Variants in HTT observed in about 807,000 individuals in gnomAD.
HTT encodes huntington disease protein.
A neutral mutation model predicts 362.3 loss-of-function variants in HTT; 104 were observed. The ratio of observed to expected loss-of-function variants is 0.29; its 90% CI spans 0.24 to 0.34. The LOEUF (loss-of-function observed/expected upper bound fraction) is 0.34. HTT is among the 10% of genes least tolerant of loss of function. The pLI is 1.00. For synonymous variants in HTT, 1,577 were observed against 1,548.7 expected (o/e 1.02, Z -0.43); for missense variants, 3,301 against 3,928.6 (o/e 0.84, Z 4.27).
intron 61 of HTT, among the ~76,000 whole-genome samples, chr4:3,234,947 G>A (rs1341245518): frequency 2.0e-5 from 3 of 152,220 alleles, no homozygotes; most frequent in Non-Finnish European, 4.4e-5. Context: ...GAAGTAGAGG[G>A]GACTGGCCTG....
chr4:3,128,792 T>C (rs966115516), intron 12 of HTT: 3 of 152,250 alleles, frequency 2.0e-5, no homozygotes, highest in African/African-American at 7.2e-5. Context: ...ATAAAATTTA[T>C]GTTCTTAACC....
chr4:3,150,363 A>G (rs1479909973), intron 26 of HTT, among the ~76,000 whole-genome samples: 2 of 152,208 alleles, frequency 1.3e-5, no homozygotes, highest in African/African-American at 4.8e-5. Context: ...AGTATTGGGC[A>G]GGGCAGCCTG....
chr4:3,178,178 C>A, intron 34 of HTT, 120 bp from the exon 35 acceptor site: 1 of 751,900 alleles, frequency 1.3e-6, no homozygotes, highest in Non-Finnish European at 2.2e-6. Context: ...AGATCACGGA[C>A]ACCTGTTAGC....
At chr4:3,089,892 G>C (rs2110145049) in intron 2 of HTT, among the ~76,000 whole-genome samples, 1 of 152,294 alleles carries the variant, frequency 6.6e-6, no homozygotes, top group South Asian at 2.1e-4. Flanking sequence ...TGTTTTTATG[G>C]AGTAATGCTG....
At chr4:3,127,630 C>CT (rs751824861) in intron 12 of HTT, 26 bp downstream of exon 12, 669 of 1,499,258 alleles carry the variant, frequency 4.5e-4, no homozygotes, top group Non-Finnish European at 5.4e-4. Flanking sequence ...GGCCTGACAT[C>CT]TTTTTTTTTA....
chr4:3,085,276 T>C (rs1354216356), intron 1 of HTT, among the ~76,000 whole-genome samples: 1 of 152,034 alleles, frequency 6.6e-6, no homozygotes, highest in Non-Finnish European at 1.5e-5. Context: ...TAGCTGGGAT[T>C]ATAGGCGCCC....
In HTT at chr4:3,225,815, G is replaced by A. The variant is rs1720884757; in HGVS notation, c.7848+72G>A. The A allele has an allele frequency of 2.8e-5, 30 of 1,079,740 alleles. No individual in the cohort carries two copies. The South Asian group carries it at 4.1e-4, about 15-fold the overall frequency. 66.9% of individuals were successfully genotyped at this position (1,079,740 alleles called of 1,614,324 possible). On this transcript the variant is annotated intron_variant, in intron 57 of 66. Transcript: ENST00000355072. ...CAGACTTTGGCGCTTGACACACCCA[G>A]GAGAAAAGCTCAGTGCACTTTTTAA...
intron 12 of HTT, 196 bp from the exon 13 acceptor site, chr4:3,129,728 G>T: frequency 2.0e-6 from 1 of 507,724 alleles, no homozygotes; most frequent in Non-Finnish European, 3.4e-6. Context: ...TTTTCATAAT[G>T]TAGTGGGAAT....
At chr4:3,164,743 C>T (rs1246659288) in intron 29 of HTT, among the ~76,000 whole-genome samples, 3 of 152,098 alleles carry the variant, frequency 2.0e-5, no homozygotes, top group Non-Finnish European at 4.4e-5. Flanking sequence ...GGATTGCAAT[C>T]CCTGCTTTTT....
chr4:3,075,234 G>A (rs1712456157), intron 1 of HTT, 146 bp downstream of exon 1: 1 of 791,454 alleles, frequency 1.3e-6, no homozygotes, highest in South Asian at 6.3e-5. Context: ...GCCCATGAGG[G>A]ACACCCGCCC....
chr4:3,090,602 G>T (rs967619473), intron 2 of HTT, among the ~76,000 whole-genome samples: 3 of 151,986 alleles, frequency 2.0e-5, no homozygotes, highest in Admixed American at 6.6e-5. Context: ...GAACTCTAAG[G>T]AATCGATAAA....
rs1323747053 is a variant in HTT, at chr4:3,151,420, G to A, written c.3499-2873G>A. Among the ~76,000 whole-genome samples the A allele has an allele frequency of 2.6e-5, 4 of 151,902 alleles. No homozygotes were observed. In the East Asian group the frequency reaches 5.8e-4, roughly 22 times the overall value. On this transcript the variant is annotated intron_variant, in intron 26 of 66. Coordinates refer to ENST00000355072, the MANE Select transcript of HTT (RefSeq NM_001388492.1). ...TGAGAGGGAGAGAGGAGGGAGAAAG[G>A]AGAGTGCCTGTAGGGGGAGTTGCTA...
rs374106761 is a variant in HTT, at chr4:3,148,135, C to T, written c.3426C>T (p.Phe1142=). 1,045 of 1,613,534 alleles carry T rather than the reference C, an allele frequency of 6.5e-4. 4 individuals carry two copies. The highest frequency in any genetic ancestry group is 8.3e-4 in the Non-Finnish European group (975 of 1,179,788). ...RALVPMVEQL[F]SHLLKVINIC... Reference sequence around the variant, plus strand: ...TGGTGCCCATGGTGGAGCAGCTCTTCTCTCACCTGCTGAAGGTGATTAACA... The same window carrying T: ...TGGTGCCCATGGTGGAGCAGCTCTTTTCTCACCTGCTGAAGGTGATTAACA... The change falls in exon 26 of 67, where the codon TTC becomes TTT. Residue 1142 remains phenylalanine (F), a synonymous_variant. Transcript: ENST00000355072.
intron 37 of HTT, 109 bp from the exon 38 acceptor site, chr4:3,186,488 G>C: frequency 1.6e-6 from 2 of 1,225,942 alleles, no homozygotes; most frequent in Non-Finnish European, 2.3e-6. Context: ...GAGGGAAGGT[G>C]ACGATGAGAT....
Position 3,208,834 on chromosome 4 carries a change from A to G in HTT, c.6214A>G (p.Ser2072Gly). The change falls in exon 46 of 67, where the codon AGT (serine) becomes GGT (glycine). Residue 2072 changes from serine (S) to glycine (G), a missense_variant. Ser to Gly is a moderately conservative substitution (Grantham distance 56). Around this residue, in one of 4 missense-constraint regions of HTT, gnomAD observed 2,316 missense variants for 2,658.5 expected, o/e 0.87. Transcript: ENST00000355072. ...TCTCTCCACCATGCAAGACTCACTT[A>G]GTCCCTCTCCTCCAGTCTCTTCCCA... ...FRLSTMQDSL[S>G]PSPPVSSHPL... 1 of 1,614,090 alleles carries G rather than the reference A, an allele frequency of 6.2e-7. No individual in the cohort carries two copies. Among genetic ancestry groups the G allele is most frequent in the Non-Finnish European group, 8.5e-7 (1 of 1,179,974 alleles).
At chr4:3,217,714 C>A in intron 51 of HTT, 51 bp from the exon 52 acceptor site, 2 of 1,463,248 alleles carry the variant, frequency 1.4e-6, no homozygotes, top group Admixed American at 1.8e-5. Flanking sequence ...CTACACTGGG[C>A]ATATAGGATG....
rs148430407 is a variant in HTT, at chr4:3,213,738, T to G, written c.6775-220T>G. On this transcript the variant is annotated intron_variant, in intron 49 of 66. Coordinates refer to ENST00000355072, the MANE Select transcript of HTT (RefSeq NM_001388492.1). ...GCTGAAGGAGAGAGAGGCAGCAGAG[T>G]AAGGGGGCTTTGTGGCAGAGAGGGG... is the stretch of plus-strand genomic sequence containing the variant. Among the ~76,000 whole-genome samples, 381 of 152,100 alleles carry G rather than the reference T, an allele frequency of 2.5e-3. 1 individual carries two copies. Among genetic ancestry groups the G allele is most frequent in the African/African-American group, 8.7e-3 (361 of 41,478 alleles).
At chr4:3,136,390 A>C in intron 21 of HTT, 64 bp downstream of exon 21, 1 of 799,846 alleles carries the variant, frequency 1.3e-6, no homozygotes, top group Non-Finnish European at 2.1e-6. Context: ...ACGAGAATGG[A>C]AAGAGAGGGA....
chr4:3,218,044 C>A lies in HTT; in HGVS notation c.7242+92C>A. 1 of 1,121,852 alleles carries A rather than the reference C, an allele frequency of 8.9e-7. No homozygotes were observed. Among genetic ancestry groups the A allele is most frequent in the South Asian group, 1.6e-5 (1 of 61,922 alleles). 69.5% of individuals were successfully genotyped at this position (1,121,852 alleles called of 1,614,324 possible). A position where few individuals can be genotyped will look rare whatever the true frequency, so the allele number is the denominator to read the frequency against. On this transcript the variant is annotated intron_variant, in intron 52 of 66. Coordinates refer to ENST00000355072, the MANE Select transcript of HTT (RefSeq NM_001388492.1). This position sits in a 1 kb window ranked among gnomAD's most constrained non-coding sequence, Gnocchi z 4.4. ...CACACGTGAGAGGGCGGGACAGAAT[C>A]CCCGCAGCCCAGAGGCTGCCTGCTG...
Sources: gnomAD v4.1 joint callset for allele counts (sites outside exome capture counted in the v4.1 genomes callset) on GRCh38, gnomAD v4.1.1 for gene constraint, gnomAD v4.1.1 regional missense constraint, Gnocchi (gnomAD v3.1) non-coding constraint, MANE v1.5 for transcripts, NCBI Gene and HGNC (gene_info 2026-07-23, HGNC 2026-07-21) for gene names.